The following NYAP2 variants were observed in gnomAD, a reference collection of about 807,000 sequenced individuals.
The protein encoded by NYAP2 is neuronal tyrosine-phosphorylated phosphoinositide-3-kinase adaptor 2, also known as neuronal tyrosine-phosphorylated phosphoinositide-3-kinase adapter 2.
NYAP2 carries 23 observed loss-of-function variants against 50.4 expected under a neutral mutation model. That is an observed-to-expected ratio of 0.46 (90% confidence interval 0.33 to 0.65). The LOEUF is 0.65. Ranked by LOEUF, NYAP2 falls within the 30% of genes least tolerant of loss-of-function variation. NYAP2 has a pLI of 0.02. For missense variants in NYAP2, 885 were observed against 861.0 expected, an observed-to-expected ratio of 1.03 and a Z score of -0.35; for synonymous variants, 394 against 365.2, an observed-to-expected ratio of 1.08 and a Z score of -0.90.
chr2:225,418,805 A>C (rs1695167020), intron 3 of NYAP2, among the ~76,000 whole-genome samples: 1 of 152,206 alleles, frequency 6.6e-6, no homozygotes, highest in Non-Finnish European at 1.5e-5. Flanking sequence ...AAAAGTCAAA[A>C]ATTTTGAATA....
the NYAP2 span, among the ~76,000 whole-genome samples, chr2:225,674,903 T>C: frequency 6.6e-6 from 1 of 152,074 alleles, no homozygotes. Context: ...TCCAGTAACA[T>C]ACTGATTTTA....
intron 5 of NYAP2, among the ~76,000 whole-genome samples, chr2:225,613,915 C>T (rs1692941767): frequency 6.6e-6 from 1 of 152,114 alleles, no homozygotes; most frequent in South Asian, 2.1e-4. Context: ...AGACACTCTC[C>T]GAAATGTAAA....
At chr2:225,427,112 C>T (rs1224539718) in intron 3 of NYAP2, among the ~76,000 whole-genome samples, 1 of 152,156 alleles carries the variant, frequency 6.6e-6, no homozygotes, top group Admixed American at 6.5e-5. Context: ...TTGAAAACCT[C>T]CTAATGACCT....
chr2:225,500,920 G>T (rs1396257117), intron 3 of NYAP2, among the ~76,000 whole-genome samples: 1 of 152,080 alleles, frequency 6.6e-6, no homozygotes, highest in Non-Finnish European at 1.5e-5. Context: ...GCAAAATGGG[G>T]TACATATTTT....
intron 5 of NYAP2, among the ~76,000 whole-genome samples, chr2:225,616,660 T>A (rs1692996967): frequency 6.6e-6 from 1 of 152,140 alleles, no homozygotes; most frequent in South Asian, 2.1e-4. Flanking sequence ...AATTAAAGAT[T>A]TTCAGAATTG....
intron 4 of NYAP2, among the ~76,000 whole-genome samples, chr2:225,522,354 G>A (rs1345101085): frequency 2.0e-5 from 3 of 152,028 alleles, no homozygotes; most frequent in Non-Finnish European, 4.4e-5. Flanking sequence ...TTTTGATTGG[G>A]ATAGTTCTCC....
rs568994450 is a variant in NYAP2 at position 225,486,709 on chromosome 2, G to A, written c.222-26662G>A. 2.6e-5 allele frequency among the ~76,000 whole-genome samples: 4 copies of A among 152,280 alleles called. No individual in the cohort carries two copies. The East Asian group carries it at 7.7e-4, about 29-fold the overall frequency. ...AATGCAGAATAAGAAACCCATCAGGGCCTACTTTGTAGGTGAGTTGGCTGG... is the reference window on the plus strand; with the variant it reads ...AATGCAGAATAAGAAACCCATCAGGACCTACTTTGTAGGTGAGTTGGCTGG... On this transcript the variant is annotated intron_variant, in intron 3 of 6. Transcript: ENST00000636099.
intron 5 of NYAP2, among the ~76,000 whole-genome samples, chr2:225,585,895 C>T (rs1002232737): frequency 2.6e-5 from 4 of 152,174 alleles, no homozygotes; most frequent in Non-Finnish European, 4.4e-5. Context: ...CAATTCTCCC[C>T]TTTACTCTTC....
chr2:225,674,699 G>A, the NYAP2 span, among the ~76,000 whole-genome samples: 1 of 152,052 alleles, frequency 6.6e-6, no homozygotes, highest in Admixed American at 6.6e-5. Flanking sequence ...TTTGTCAAAA[G>A]TGGAATATAT....
chr2:225,700,591 T>C, the NYAP2 span: 3 of 151,800 alleles, frequency 2.0e-5, no homozygotes, highest in African/African-American at 7.2e-5. Flanking sequence ...TAAAATGTGT[T>C]TATGACCCAA....
At chr2:225,504,590 C>A (rs1476404735) in intron 3 of NYAP2, among the ~76,000 whole-genome samples, 1 of 152,150 alleles carries the variant, frequency 6.6e-6, no homozygotes, top group Non-Finnish European at 1.5e-5. Context: ...AAGTATATGT[C>A]TTCTACCTAT....
At chr2:225,513,643 A>C in exon 4 of NYAP2, 3 of 1,522,144 alleles carry the variant, frequency 2.0e-6, no homozygotes, top group Non-Finnish European at 2.6e-6. Flanking sequence ...GCAGCCAGTA[A>C]GAGCGGGAAA....
intron 5 of NYAP2, among the ~76,000 whole-genome samples, chr2:225,585,376 G>T (rs538884186): frequency 6.6e-6 from 1 of 152,244 alleles, no homozygotes; most frequent in East Asian, 1.9e-4. Flanking sequence ...GAAAAAAAAA[G>T]TATATGTAAA....
chr2:225,638,498 G>A (rs1460080053), intron 6 of NYAP2, among the ~76,000 whole-genome samples: 1 of 152,058 alleles, frequency 6.6e-6, no homozygotes, highest in Non-Finnish European at 1.5e-5. Flanking sequence ...GACCAGATTT[G>A]GTCCTGGAGA....
intron 4 of NYAP2, among the ~76,000 whole-genome samples, chr2:225,556,474 G>C (rs530287366): frequency 6.6e-6 from 1 of 152,156 alleles, no homozygotes; most frequent in East Asian, 1.9e-4. Flanking sequence ...ACTCCCCCAG[G>C]TGATAATTTA....
At chr2:225,651,569 C>T (rs758557875) in exon 7 of NYAP2, 2 of 1,613,530 alleles carry the variant, frequency 1.2e-6, no homozygotes, top group Non-Finnish European at 1.7e-6. Context: ...TGATTGACTT[C>T]CTGTGATACA....
chr2:225,622,518 C>G (rs1256814748), intron 5 of NYAP2, among the ~76,000 whole-genome samples: 1 of 70,398 alleles, frequency 1.4e-5, no homozygotes, highest in Non-Finnish European at 3.2e-5. Flanking sequence ...TTCTTTCTTT[C>G]TTCTTTCTTT....
At chr2:225,426,321 T>C (rs1053196369) in intron 3 of NYAP2, among the ~76,000 whole-genome samples, 1 of 152,274 alleles carries the variant, frequency 6.6e-6, no homozygotes, top group East Asian at 1.9e-4. Context: ...GTAATATCAG[T>C]ACCTACAGAT....
the NYAP2 span, among the ~76,000 whole-genome samples, chr2:225,694,012 T>C: frequency 1.3e-5 from 2 of 152,100 alleles, no homozygotes; most frequent in African/African-American, 4.8e-5. Flanking sequence ...TGCTGAATCA[T>C]GCTGGTATAA....
Sources: allele counts gnomAD v4.1 joint callset (sites outside exome capture counted in the v4.1 genomes callset), GRCh38; gene constraint gnomAD v4.1.1; transcripts MANE v1.5; gene names NCBI Gene and HGNC (gene_info 2026-07-23, HGNC 2026-07-21).